The following SPDYE21 variants were observed in gnomAD, a reference collection of about 807,000 sequenced individuals.
The protein encoded by SPDYE21 is speedy protein E21.
Under a neutral mutation model 36.2 loss-of-function variants are expected in SPDYE21, and 14 were observed. The observed-to-expected ratio is 0.39, with a 90% CI of 0.26 to 0.61. The LOEUF (loss-of-function observed/expected upper bound fraction) is 0.61, where lower values mean the gene tolerates loss of function less well. SPDYE21 is among the 20% of genes least tolerant of loss of function. The probability of loss-of-function intolerance (pLI) is 0.55; values close to 1 mark genes in which losing one functional copy is unlikely to be tolerated. For synonymous variants in SPDYE21, 58 were observed against 155.1 expected (o/e 0.37, Z 4.65); for missense variants, 233 against 424.6 (o/e 0.55, Z 3.97).
intron 5 of SPDYE21, among the ~76,000 whole-genome samples, chr7:67,283,448 T>C (rs1410730625): frequency 4.6e-5 from 7 of 152,088 alleles, no homozygotes; most frequent in Non-Finnish European, 1.5e-5. Context: ...TTGGTCTTTT[T>C]ATGATTTGTC....
chr7:67,281,929 A>G (rs986736983), intron 4 of SPDYE21, among the ~76,000 whole-genome samples: 2 of 152,076 alleles, frequency 1.3e-5, no homozygotes, highest in African/African-American at 4.8e-5. Context: ...CTGTGACTAC[A>G]CCACTGCACT....
At chr7:67,283,766 C>G in intron 5 of SPDYE21, 147 bp from the exon 6 acceptor site, 1 of 721,862 alleles carries the variant, frequency 1.4e-6, no homozygotes, top group African/African-American at 1.7e-5. Context: ...CCCTCCATCC[C>G]GCAATTTCCA....
Position 67,278,808 on chromosome 7 carries a change from C to T in SPDYE21, c.95C>T (p.Pro32Leu), listed in dbSNP as rs1052961539. Among the ~76,000 whole-genome samples the T allele has an allele frequency of 2.0e-5, 3 of 151,824 alleles. No individual in the cohort carries two copies. The highest frequency in any genetic ancestry group is 1.3e-4 in the Admixed American group (2 of 15,184). Reference sequence around the variant, plus strand: ...CTGCACCCCCAGAATGAGCAGAGTCCCCAGCGGAGCACCTCGGGGTACCCC... The same window carrying T: ...CTGCACCCCCAGAATGAGCAGAGTCTCCAGCGGAGCACCTCGGGGTACCCC... ...RQLHPQNEQSPQRSTSGYPLQ... is the reference protein window; with the variant it reads ...RQLHPQNEQSLQRSTSGYPLQ... Residue 32 changes from proline to leucine, a missense_variant, in exon 2 of 9, where the codon CCC becomes CTC. Pro to Leu is a moderately conservative substitution (Grantham distance 98). Around this residue, in one of 4 missense-constraint regions of SPDYE21, gnomAD observed 68 missense variants for 87.6 expected, o/e 0.78. Coordinates refer to ENST00000424157, the MANE Select transcript of SPDYE21 (RefSeq NM_001382715.2).
chr7:67,283,662 C>G (rs1430572929), intron 5 of SPDYE21, among the ~76,000 whole-genome samples: 2 of 152,076 alleles, frequency 1.3e-5, no homozygotes, highest in East Asian at 3.9e-4. Flanking sequence ...CCAGACACAC[C>G]CCCTCCAAAG....
intron 2 of SPDYE21, among the ~76,000 whole-genome samples, 193 bp downstream of exon 2, chr7:67,279,066 G>T (rs1293773305): frequency 1.3e-5 from 2 of 151,550 alleles, no homozygotes; most frequent in Admixed American, 6.6e-5. Flanking sequence ...ATAAAAATTA[G>T]CCAAGTGGTA....
intron 1 of SPDYE21, among the ~76,000 whole-genome samples, chr7:67,277,733 T>C (rs3980820): frequency 0.048 from 6,965 of 146,166 alleles, 213 homozygotes; most frequent in Admixed American, 0.064. Flanking sequence ...TGAAATTTTT[T>C]GACTTAGTCT....
At chr7:67,281,796 A>G (rs942403179) in intron 4 of SPDYE21, among the ~76,000 whole-genome samples, 192 bp downstream of exon 4, 1 of 152,178 alleles carries the variant, frequency 6.6e-6, no homozygotes, top group South Asian at 2.1e-4. Flanking sequence ...GATAAAGGTC[A>G]GTGCTTGGGA....
Position 67,278,683 on chromosome 7 carries a change from T to C in SPDYE21, c.-31T>C, listed in dbSNP as rs558195771. On this transcript the variant is annotated 5_prime_UTR_variant, in exon 2 of 9. Coordinates refer to ENST00000424157, the MANE Select transcript of SPDYE21 (RefSeq NM_001382715.2). Reference sequence around the variant, plus strand: ...GGCTTGAGAATTGATAACATACTCTTCTGGATCCTAGCAGTGTCCAGAAGA... The same window carrying C: ...GGCTTGAGAATTGATAACATACTCTCCTGGATCCTAGCAGTGTCCAGAAGA... Among the ~76,000 whole-genome samples, 1 of 146,844 alleles carries C rather than the reference T, an allele frequency of 6.8e-6. No homozygotes were observed. Among genetic ancestry groups the C allele is most frequent in the Non-Finnish European group, 1.5e-5 (1 of 66,440 alleles).
chr7:67,282,977 T>G (rs926794204), intron 5 of SPDYE21, among the ~76,000 whole-genome samples: 6 of 128,908 alleles, frequency 4.7e-5, no homozygotes, highest in Non-Finnish European at 9.8e-5. Flanking sequence ...GGCTAATTTT[T>G]GTGTTTTTAG....
intron 5 of SPDYE21, among the ~76,000 whole-genome samples, chr7:67,283,479 G>C (rs944763232): frequency 2.0e-5 from 3 of 151,920 alleles, no homozygotes; most frequent in African/African-American, 7.2e-5. Flanking sequence ...TCAGGATTCT[G>C]CTGGTCTCTT....
At chr7:67,282,889 C>T (rs982276351) in intron 5 of SPDYE21, among the ~76,000 whole-genome samples, 196 bp downstream of exon 5, 3 of 139,486 alleles carry the variant, frequency 2.2e-5, no homozygotes, top group African/African-American at 5.4e-5. Flanking sequence ...TCACTGCAGC[C>T]GATGCCTCCC....
At position 67,287,916 on chromosome 7, in the gene SPDYE21, T is replaced by A. The variant is rs1802769256; in HGVS notation, c.*444T>A. 6.6e-6 allele frequency among the ~76,000 whole-genome samples: 1 copy of A among 151,828 alleles called. No individual in the cohort carries two copies. Among genetic ancestry groups the A allele is most frequent in the African/African-American group, 2.4e-5 (1 of 41,326 alleles). Reference sequence around the variant, plus strand: ...CTCAGATTGGCACAGAATTCTTTTGTGAAATATCAGTGCCACAGATTGTAA... The same window carrying A: ...CTCAGATTGGCACAGAATTCTTTTGAGAAATATCAGTGCCACAGATTGTAA... On this transcript the variant is annotated 3_prime_UTR_variant, in exon 9 of 9. Coordinates refer to ENST00000424157, the MANE Select transcript of SPDYE21 (RefSeq NM_001382715.2).
At position 67,278,560 on chromosome 7, in the gene SPDYE21, C is replaced by T. The variant is rs1157866976; in HGVS notation, c.-154C>T. ...GCATGAACGATGACATCAGAGATTCCGACCTTCCTGATTGGAGGGACCGGA... is the reference window on the plus strand; with the variant it reads ...GCATGAACGATGACATCAGAGATTCTGACCTTCCTGATTGGAGGGACCGGA... On this transcript the variant is annotated 5_prime_UTR_variant, in exon 2 of 9. Transcript: ENST00000424157. Among the ~76,000 whole-genome samples, 5 of 101,982 alleles carry T rather than the reference C, an allele frequency of 4.9e-5. No individual in the cohort carries two copies. The highest frequency in any genetic ancestry group is 1.1e-4 in the Admixed American group (1 of 9,238). 66.9% of individuals were successfully genotyped at this position (101,982 alleles called of 152,430 possible).
At chr7:67,282,215 GC>G (rs1802652865) in intron 4 of SPDYE21, among the ~76,000 whole-genome samples, 1 of 152,150 alleles carries the variant, frequency 6.6e-6, no homozygotes, top group Non-Finnish European at 1.5e-5. Flanking sequence ...TTTCAGCTGT[GC>G]CCTCTGAAAC....
intron 8 of SPDYE21, among the ~76,000 whole-genome samples, chr7:67,286,998 G>C (rs1802748836): frequency 6.6e-6 from 1 of 152,162 alleles, no homozygotes; most frequent in African/African-American, 2.4e-5. Context: ...TGACGCACTT[G>C]AGTTACTGAT....
Position 67,288,038 on chromosome 7 carries a change from G to A in SPDYE21, c.*566G>A, listed in dbSNP as rs1392692494. Reference sequence around the variant, plus strand: ...ATTTATTTCAAATAGTTTGGAAATTGTTGTACTTTTGAAAACATGCTGTTC... The same window carrying A: ...ATTTATTTCAAATAGTTTGGAAATTATTGTACTTTTGAAAACATGCTGTTC... On this transcript the variant is annotated 3_prime_UTR_variant, in exon 9 of 9. Transcript: ENST00000424157. Among the ~76,000 whole-genome samples, 2 of 151,412 alleles carry A rather than the reference G, an allele frequency of 1.3e-5. No individual in the cohort carries two copies. Among genetic ancestry groups the A allele is most frequent in the Non-Finnish European group, 2.9e-5 (2 of 67,836 alleles).
chr7:67,281,817 T>G (rs1175736247), intron 4 of SPDYE21, among the ~76,000 whole-genome samples: 4 of 152,112 alleles, frequency 2.6e-5, no homozygotes, highest in Non-Finnish European at 5.9e-5. Flanking sequence ...TAAGAAAGCT[T>G]GGTTTCGGGC....
At position 67,279,347 on chromosome 7, in the gene SPDYE21, AG is replaced by A. The variant is rs1489379684; in HGVS notation, c.161-470del. Among the ~76,000 whole-genome samples the A allele has an allele frequency of 6.7e-5, 10 of 148,156 alleles. No individual in the cohort carries two copies. The East Asian group carries it at 1.6e-3, about 24-fold the overall frequency. On this transcript the variant is annotated intron_variant, in intron 2 of 8. Transcript: ENST00000424157. Reference sequence around the variant, plus strand: ...GGCAGGCGGATCACTTGAGGCCAGGAGTTTGAGACCAGCCTGGCCAACATGG... The same window carrying A: ...GGCAGGCGGATCACTTGAGGCCAGGATTTGAGACCAGCCTGGCCAACATGG...
intron 5 of SPDYE21, among the ~76,000 whole-genome samples, chr7:67,283,582 C>A (rs1443955378): frequency 6.6e-6 from 1 of 151,990 alleles, no homozygotes; most frequent in East Asian, 1.9e-4. Flanking sequence ...ATCTCCTGGC[C>A]CCTCTACTCT....
Sources: gnomAD v4.1 joint callset for allele counts (sites outside exome capture counted in the v4.1 genomes callset) on GRCh38, gnomAD v4.1.1 for gene constraint, gnomAD v4.1.1 regional missense constraint, MANE v1.5 for transcripts, NCBI Gene and HGNC (gene_info 2026-07-23, HGNC 2026-07-21) for gene names.